Variants in ARHGEF28 observed in about 807,000 individuals in gnomAD.
ARHGEF28 encodes the protein Rho guanine nucleotide exchange factor 28.
Under a neutral mutation model 206.6 loss-of-function variants are expected in ARHGEF28, and 152 were observed. That is an observed-to-expected ratio of 0.74 (90% CI 0.64 to 0.84). The LOEUF (loss-of-function observed/expected upper bound fraction) is 0.84. Ranked by LOEUF, ARHGEF28 falls within the 40% of genes least tolerant of loss-of-function variation. The probability of loss-of-function intolerance (pLI) is 0.00; values close to 1 mark genes in which losing one functional copy is unlikely to be tolerated. For missense variants in ARHGEF28, 2,028 were observed against 2,073.2 expected (o/e 0.98, Z 0.42); for synonymous variants, 763 against 776.4 (o/e 0.98, Z 0.29).
At chr5:73,693,680 G>T (rs1179008240) in intron 2 of ARHGEF28, among the ~76,000 whole-genome samples, 2 of 152,204 alleles carry the variant, frequency 1.3e-5, no homozygotes, top group African/African-American at 4.8e-5. Context: ...AACTTTACTT[G>T]TGTCTTTATT....
chr5:73,629,784 C>T (rs2112112162), intron 1 of ARHGEF28, among the ~76,000 whole-genome samples: 1 of 152,256 alleles, frequency 6.6e-6, no homozygotes, highest in Admixed American at 6.5e-5. Context: ...TGGTTTTGAA[C>T]ACTTGTATAA....
At chr5:73,794,493 T>C (rs1404180348) in intron 8 of ARHGEF28, 39 bp downstream of exon 8, 19 of 1,490,530 alleles carry the variant, frequency 1.3e-5, no homozygotes, top group Admixed American at 1.9e-5. Context: ...TGCACGTCTT[T>C]CCATAAAGTA....
chr5:73,711,116 A>G (rs1002206965), intron 2 of ARHGEF28, among the ~76,000 whole-genome samples: 3 of 152,212 alleles, frequency 2.0e-5, no homozygotes, highest in African/African-American at 7.2e-5. Context: ...TGACTAAGGC[A>G]ACTGATTTTA....
intron 33 of ARHGEF28, 91 bp from the exon 34 acceptor site, chr5:73,909,321 G>A (rs1762727440): frequency 1.3e-6 from 2 of 1,493,850 alleles, no homozygotes; most frequent in East Asian, 2.3e-5. Context: ...TCGGGCCTGC[G>A]TTTTGTGTTT....
chr5:73,882,693 T>TTCTTA, intron 23 of ARHGEF28, 99 bp downstream of exon 23: 1 of 1,142,042 alleles, frequency 8.8e-7, no homozygotes, highest in Non-Finnish European at 1.2e-6. Context: ...TAGCTAATGA[T>TTCTTA]GCTTTTCAGG....
chr5:73,650,355 G>A (rs1744731571), intron 1 of ARHGEF28, among the ~76,000 whole-genome samples: 1 of 141,104 alleles, frequency 7.1e-6, no homozygotes, highest in Admixed American at 7.6e-5. Flanking sequence ...CATGGTCTCA[G>A]CTCACTGCAA....
intron 4 of ARHGEF28, among the ~76,000 whole-genome samples, chr5:73,758,623 T>C (rs1167495132): frequency 2.0e-5 from 3 of 152,170 alleles, no homozygotes; most frequent in East Asian, 3.9e-4. Flanking sequence ...TGGGATGATA[T>C]TGGTTCACTG....
At chr5:73,757,190 T>C (rs1157005086) in intron 4 of ARHGEF28, among the ~76,000 whole-genome samples, 2 of 152,192 alleles carry the variant, frequency 1.3e-5, no homozygotes, top group Non-Finnish European at 2.9e-5. Flanking sequence ...GGTAGATAAA[T>C]TATAATAATG....
chr5:73,934,281 C>G, intron 35 of ARHGEF28, among the ~76,000 whole-genome samples: 4 of 152,158 alleles, frequency 2.6e-5, no homozygotes, highest in Admixed American at 2.6e-4. Flanking sequence ...TGATTAGATG[C>G]AGGCTTTATT....
At chr5:73,780,828 A>C in intron 7 of ARHGEF28, 83 bp downstream of exon 7, 1 of 1,466,150 alleles carries the variant, frequency 6.8e-7, no homozygotes, top group Non-Finnish European at 9.3e-7. Context: ...GTGTGTGGTG[A>C]AGCCGGCCAG....
chr5:73,867,167 C>G (rs182373860), intron 18 of ARHGEF28, among the ~76,000 whole-genome samples: 56 of 152,272 alleles, frequency 3.7e-4, no homozygotes, highest in Admixed American at 1.2e-3. Flanking sequence ...ACAAATTTAA[C>G]TTATGCACGT....
chr5:73,865,531 G>A (rs1759653094), intron 17 of ARHGEF28, among the ~76,000 whole-genome samples: 1 of 152,166 alleles, frequency 6.6e-6, no homozygotes, highest in African/African-American at 2.4e-5. Flanking sequence ...AACACATATT[G>A]CGTCAGATCA....
At chr5:73,791,242 C>G (rs754290481) in intron 7 of ARHGEF28, among the ~76,000 whole-genome samples, 1 of 152,214 alleles carries the variant, frequency 6.6e-6, no homozygotes, top group Non-Finnish European at 1.5e-5. Context: ...GGTCCCAGCT[C>G]TCCCAGAATT....
intron 9 of ARHGEF28, among the ~76,000 whole-genome samples, chr5:73,800,321 AGC>A (rs1755055780): frequency 1.3e-5 from 2 of 152,322 alleles, no homozygotes; most frequent in South Asian, 2.1e-4. Context: ...GTTTTAATAA[AGC>A]ATGTGGATTA....
chr5:73,890,351 A>G (rs1761551517), intron 26 of ARHGEF28, among the ~76,000 whole-genome samples: 1 of 152,214 alleles, frequency 6.6e-6, no homozygotes, highest in African/African-American at 2.4e-5. Flanking sequence ...TTTTACATAC[A>G]GAGGCTGTTT....
In ARHGEF28 at chr5:73,774,031, G is replaced by A. The variant is rs1298080364; in HGVS notation, c.652G>A (p.Val218Ile). Reference sequence around the variant, plus strand: ...AGGACACTCCAAGCTGGTGGAAGACGTCACAAAGTGAGTTTAGCTACTTGA... The same window carrying A: ...AGGACACTCCAAGCTGGTGGAAGACATCACAAAGTGAGTTTAGCTACTTGA... ...REGHSKLVED[V>I]TNFQGRWSPS... Residue 218 changes from valine (V) to isoleucine (I), a missense_variant, in exon 5 of 36, where the codon GTC becomes ATC. By Grantham distance (29) the Val-to-Ile change is conservative. Around this residue, in one of 3 missense-constraint regions of ARHGEF28, gnomAD observed 1,002 missense variants for 1,015.3 expected, o/e 0.99. Coordinates refer to ENST00000513042, the MANE Select transcript of ARHGEF28 (RefSeq NM_001177693.2). 2.9e-5 allele frequency: 46 copies of A among 1,588,306 alleles called. No homozygotes were observed. Among genetic ancestry groups the A allele is most frequent in the Middle Eastern group, 1.7e-4 (1 of 5,958 alleles).
intron 7 of ARHGEF28, among the ~76,000 whole-genome samples, chr5:73,788,318 A>G (rs1561404301): frequency 1.3e-5 from 2 of 152,170 alleles, no homozygotes; most frequent in African/African-American, 2.4e-5. Flanking sequence ...TAGGAAAATT[A>G]TGCCCTGGCT....
intron 9 of ARHGEF28, among the ~76,000 whole-genome samples, chr5:73,800,704 A>G (rs1755078913): frequency 6.6e-6 from 1 of 152,218 alleles, no homozygotes; most frequent in Admixed American, 6.5e-5. Context: ...GGAAGCAGAA[A>G]CAAACAATAG....
At position 73,773,916 on chromosome 5, in the gene ARHGEF28, C is replaced by T; in HGVS notation, c.537C>T (p.Ser179=). The T allele has an allele frequency of 6.2e-7, 1 of 1,609,088 alleles. No individual in the cohort carries two copies. Among genetic ancestry groups the T allele is most frequent in the Non-Finnish European group, 8.5e-7 (1 of 1,177,688 alleles). The change falls in exon 5 of 36, where the codon TCC becomes TCT. Residue 179 remains serine, a synonymous_variant. Coordinates refer to ENST00000513042, the MANE Select transcript of ARHGEF28 (RefSeq NM_001177693.2). ...LAMRWGLAKL[S]QFFLCLPGGV... ...TGAGATGGGGCCTGGCTAAACTTTC[C>T]CAGTTCTTCTTGTGTCTCCCGGGGG...
Sources: gnomAD v4.1 joint callset for allele counts (sites outside exome capture counted in the v4.1 genomes callset) on GRCh38, gnomAD v4.1.1 for gene constraint, gnomAD v4.1.1 regional missense constraint, MANE v1.5 for transcripts, NCBI Gene and HGNC (gene_info 2026-07-23, HGNC 2026-07-21) for gene names.